FOXJ3: variants seen among roughly 807,000 people sequenced by gnomAD.
The protein encoded by FOXJ3 is forkhead box J3, also known as forkhead box protein J3.
In FOXJ3, 22 loss-of-function variants were observed where a neutral mutation model predicts 76.1. That is an observed-to-expected ratio of 0.29 (90% CI 0.21 to 0.41). The LOEUF (loss-of-function observed/expected upper bound fraction) is 0.41. Among genes scored for constraint, FOXJ3 ranks in the 10% least tolerant of loss-of-function variants. The pLI is 1.00. For missense variants in FOXJ3, 613 were observed against 762.1 expected (o/e 0.80, Z 2.30); for synonymous variants, 269 against 261.2 (o/e 1.03, Z -0.29).
intron 5 of FOXJ3, among the ~76,000 whole-genome samples, chr1:42,227,073 C>T (rs1351073486): frequency 6.6e-6 from 1 of 152,162 alleles, no homozygotes; most frequent in Non-Finnish European, 1.5e-5. Flanking sequence ...GCACATATTC[C>T]AGTAGAGGAG....
At chr1:42,302,027 T>C (rs1221000371) in intron 2 of FOXJ3, among the ~76,000 whole-genome samples, 1 of 152,156 alleles carries the variant, frequency 6.6e-6, no homozygotes, top group Non-Finnish European at 1.5e-5. Flanking sequence ...TCTTTTGGCT[T>C]TAGTTCTGGG....
intron 2 of FOXJ3, 71 bp downstream of exon 2, chr1:42,310,979 A>AT: frequency 1.1e-6 from 1 of 872,000 alleles, no homozygotes; most frequent in Non-Finnish European, 1.8e-6. Flanking sequence ...AATTCATTGT[A>AT]ATATGAGGTG....
At chr1:42,319,035 A>C (rs994051107) in intron 1 of FOXJ3, among the ~76,000 whole-genome samples, 6 of 152,176 alleles carry the variant, frequency 3.9e-5, no homozygotes, top group Non-Finnish European at 7.4e-5. Flanking sequence ...ATTCAAGACC[A>C]GTCTGGGCAA....
intron 2 of FOXJ3, among the ~76,000 whole-genome samples, chr1:42,289,925 G>C (rs1265271568): frequency 2.6e-5 from 4 of 151,870 alleles, no homozygotes; most frequent in African/African-American, 9.7e-5. Context: ...TTTAAAAAAG[G>C]ACAAAAAGAT....
chr1:42,291,218 T>G (rs1653415233), intron 2 of FOXJ3, among the ~76,000 whole-genome samples: 1 of 152,118 alleles, frequency 6.6e-6, no homozygotes, highest in African/African-American at 2.4e-5. Flanking sequence ...AAATTAACAA[T>G]GACCCTTACA....
intron 1 of FOXJ3, among the ~76,000 whole-genome samples, chr1:42,328,735 A>G (rs1187087583): frequency 7.0e-6 from 1 of 143,564 alleles, no homozygotes; most frequent in Non-Finnish European, 1.5e-5. Flanking sequence ...ACTAGAATGC[A>G]GCGGCATTGC....
intron 4 of FOXJ3, among the ~76,000 whole-genome samples, chr1:42,245,872 T>C (rs1649510909): frequency 6.6e-6 from 1 of 152,090 alleles, no homozygotes. Flanking sequence ...GGAAGGCAAA[T>C]TGTCCCTCTT....
At chr1:42,283,420 T>C (rs1025224824) in intron 2 of FOXJ3, among the ~76,000 whole-genome samples, 4 of 152,226 alleles carry the variant, frequency 2.6e-5, no homozygotes, top group Admixed American at 1.3e-4. Flanking sequence ...GCTTTTTAGC[T>C]ACTTTAGTAC....
At chr1:42,202,424 TAAAG>T (rs1335795503) in intron 6 of FOXJ3, among the ~76,000 whole-genome samples, 45 of 151,166 alleles carry the variant, frequency 3.0e-4, no homozygotes, top group Non-Finnish European at 1.5e-5. Context: ...AAAAAAAAAG[TAAAG>T]AACATTAGTG....
chr1:42,291,390 T>C (rs1373421132), intron 2 of FOXJ3, among the ~76,000 whole-genome samples: 1 of 152,230 alleles, frequency 6.6e-6, no homozygotes, highest in Non-Finnish European at 1.5e-5. Context: ...ACTAATAAAC[T>C]GGACTTTATC....
At chr1:42,237,374 C>CAAAA (rs201572471) in intron 4 of FOXJ3, among the ~76,000 whole-genome samples, 2 of 142,238 alleles carry the variant, frequency 1.4e-5, no homozygotes, top group African/African-American at 5.2e-5. Flanking sequence ...GACTCCATCT[C>CAAAA]AAAAAATATA....
chr1:42,242,604 C>T (rs1275236163), intron 4 of FOXJ3, among the ~76,000 whole-genome samples: 1 of 151,404 alleles, frequency 6.6e-6, no homozygotes, highest in East Asian at 1.9e-4. Flanking sequence ...GGCTCTCCTG[C>T]CACCACTACT....
rs369597748 is a variant in FOXJ3 at position 42,248,458 on chromosome 1, C to T, written c.444+16657G>A. ...CTGAGGCAGGAGAATGGCGTGAACC[C>T]GGGAGGCGGAGTTTGCAGTGAGCCG... On this transcript the variant is annotated intron_variant, in intron 4 of 12. Coordinates refer to ENST00000361346, the MANE Select transcript of FOXJ3 (RefSeq NM_014947.5). Among the ~76,000 whole-genome samples, 772 of 150,518 alleles carry T rather than the reference C, an allele frequency of 5.1e-3. 10 individuals are homozygous for T. The highest frequency in any genetic ancestry group is 0.018 in the African/African-American group (746 of 40,620).
intron 6 of FOXJ3, among the ~76,000 whole-genome samples, chr1:42,199,448 T>C (rs531570822): frequency 7.9e-5 from 12 of 152,304 alleles, no homozygotes; most frequent in African/African-American, 2.9e-4. Flanking sequence ...TTCAGAGGTA[T>C]AGAAATTTAA....
chr1:42,222,942 T>A (rs781294951), intron 5 of FOXJ3, among the ~76,000 whole-genome samples: 1 of 152,252 alleles, frequency 6.6e-6, no homozygotes, highest in African/African-American at 2.4e-5. Context: ...ACATAACCTA[T>A]GAAGCCTTCT....
chr1:42,196,829 T>C (rs1246238832), intron 7 of FOXJ3, among the ~76,000 whole-genome samples: 1 of 152,246 alleles, frequency 6.6e-6, no homozygotes, highest in Non-Finnish European at 1.5e-5. Context: ...TTTGTCCTTT[T>C]ATAATGTTTT....
intron 4 of FOXJ3, among the ~76,000 whole-genome samples, chr1:42,263,778 G>C (rs566983322): frequency 6.6e-6 from 1 of 151,812 alleles, no homozygotes; most frequent in African/African-American, 2.4e-5. Flanking sequence ...TTCAACAAGG[G>C]TGTCTCCTCA....
chr1:42,191,488 C>G lies in FOXJ3; in HGVS notation c.1166G>C (p.Gly389Ala). 1 of 1,613,866 alleles carries G rather than the reference C, an allele frequency of 6.2e-7. No individual in the cohort carries two copies. Among genetic ancestry groups the G allele is most frequent in the African/African-American group, 1.3e-5 (1 of 74,978 alleles). The change falls in exon 9 of 13, where the codon GGT (glycine) becomes GCT (alanine). Residue 389 changes from glycine to alanine, a missense_variant. By Grantham distance (60) the Gly-to-Ala change is moderately conservative. Coordinates refer to ENST00000361346, the MANE Select transcript of FOXJ3 (RefSeq NM_014947.5). ...GGAACGCTGCGGATGCTGCGGTAAA[C>G]CATGCGGTCGATGGGGAGGATGTGG... ...PSPHPPHRPHGLPQHPQRSPH... is the reference protein window; with the variant it reads ...PSPHPPHRPHALPQHPQRSPH...
chr1:42,222,947 C>T (rs1464153753), intron 5 of FOXJ3, among the ~76,000 whole-genome samples: 1 of 152,170 alleles, frequency 6.6e-6, no homozygotes, highest in African/African-American at 2.4e-5. Context: ...ACCTATGAAG[C>T]CTTCTCAGAC....
Sources: gnomAD v4.1 joint callset for allele counts (sites outside exome capture counted in the v4.1 genomes callset) on GRCh38, gnomAD v4.1.1 for gene constraint, MANE v1.5 for transcripts, NCBI Gene and HGNC (gene_info 2026-07-23, HGNC 2026-07-21) for gene names.